Variants in SAMD5 observed in about 807,000 individuals in gnomAD.
The protein encoded by SAMD5 is sterile alpha motif domain-containing protein 5.
In SAMD5, 13 loss-of-function variants were observed where a neutral mutation model predicts 11.3. That is an observed-to-expected ratio of 1.15 (90% CI 0.75 to 1.83). The LOEUF (loss-of-function observed/expected upper bound fraction) is 1.83, where lower values mean the gene tolerates loss of function less well. Ranked by LOEUF, SAMD5 falls within the 40% of genes most tolerant of loss-of-function variation. SAMD5 has a pLI of 0.00. For missense variants in SAMD5, 255 were observed against 239.1 expected (o/e 1.07, Z -0.44); for synonymous variants, 129 against 111.3 (o/e 1.16, Z -1.00).
At chr6:147,915,704 T>G in the SAMD5 span, among the ~76,000 whole-genome samples, 1 of 152,188 alleles carries the variant, frequency 6.6e-6, no homozygotes, top group African/African-American at 2.4e-5. Flanking sequence ...TTCTCTTTTT[T>G]CAAAGTAGTC....
At chr6:147,577,217 A>G (rs2128445896) in intron 1 of SAMD5, among the ~76,000 whole-genome samples, 1 of 152,330 alleles carries the variant, frequency 6.6e-6, no homozygotes, top group Admixed American at 6.5e-5. Context: ...TTGTGAATCA[A>G]TAACCGTCTT....
chr6:147,658,700 A>T (rs1022043761), intron 1 of SAMD5, among the ~76,000 whole-genome samples: 3 of 151,976 alleles, frequency 2.0e-5, no homozygotes, highest in Admixed American at 6.6e-5. Context: ...TGGGTGGAAG[A>T]CAGCATTCTT....
At chr6:147,776,369 A>C in the SAMD5 span, among the ~76,000 whole-genome samples, 4 of 152,196 alleles carry the variant, frequency 2.6e-5, no homozygotes, top group Admixed American at 1.3e-4. Flanking sequence ...TCTTCTTGTT[A>C]ACAACTTCTA....
At chr6:147,628,846 T>C (rs1421313546) in intron 1 of SAMD5, among the ~76,000 whole-genome samples, 6 of 152,170 alleles carry the variant, frequency 3.9e-5, no homozygotes, top group African/African-American at 1.2e-4. Context: ...GGGTTCATAA[T>C]TGATTGAATA....
intron 1 of SAMD5, among the ~76,000 whole-genome samples, chr6:147,527,493 C>T (rs1006856658): frequency 1.3e-5 from 2 of 152,186 alleles, no homozygotes; most frequent in Non-Finnish European, 2.9e-5. Context: ...AGTCACCTCC[C>T]ACCAGGCCCC....
intron 1 of SAMD5, among the ~76,000 whole-genome samples, chr6:147,655,887 GAAT>G (rs1424584880): frequency 6.6e-6 from 1 of 152,140 alleles, no homozygotes; most frequent in African/African-American, 2.4e-5. Flanking sequence ...ATAAAAGAAA[GAAT>G]AACACTTTCT....
chr6:147,557,394 T>A (rs968301206), intron 1 of SAMD5, among the ~76,000 whole-genome samples: 1 of 152,206 alleles, frequency 6.6e-6, no homozygotes, highest in African/African-American at 2.4e-5. Context: ...TTTCTCACAG[T>A]TCACAGCCAG....
intron 1 of SAMD5, among the ~76,000 whole-genome samples, chr6:147,625,284 A>G (rs544447020): frequency 6.6e-6 from 1 of 152,280 alleles, no homozygotes; most frequent in South Asian, 2.1e-4. Context: ...GTCATGGTAA[A>G]TGCTGCCACT....
chr6:147,515,378 G>C (rs375988889), intron 1 of SAMD5, among the ~76,000 whole-genome samples: 1 of 151,174 alleles, frequency 6.6e-6, no homozygotes, highest in African/African-American at 2.4e-5. Flanking sequence ...TCCATCCATC[G>C]ATTTATTAAT....
At chr6:147,868,246 T>G in the SAMD5 span, among the ~76,000 whole-genome samples, 1 of 152,200 alleles carries the variant, frequency 6.6e-6, no homozygotes, top group Non-Finnish European at 1.5e-5. Context: ...TTATATAAAT[T>G]TAGTTTGAGG....
chr6:147,810,397 G>A, the SAMD5 span, among the ~76,000 whole-genome samples: 1 of 152,140 alleles, frequency 6.6e-6, no homozygotes, highest in Non-Finnish European at 1.5e-5. Flanking sequence ...TGGCCCTCAG[G>A]AGCCTGTGAC....
chr6:147,542,053 AATGGGGCTACAGAAAGACACCCACC>A (rs1288938811), intron 1 of SAMD5, among the ~76,000 whole-genome samples: 1 of 152,146 alleles, frequency 6.6e-6, no homozygotes, highest in Non-Finnish European at 1.5e-5. Context: ...GACACCCCGC[AATGGGGCTACAGAAAGACACCCACC>A]ATGGGGCTAC....
chr6:147,744,772 C>T, the SAMD5 span, among the ~76,000 whole-genome samples: 1 of 152,056 alleles, frequency 6.6e-6, no homozygotes, highest in Admixed American at 6.6e-5. Flanking sequence ...GTGGCACGTG[C>T]CTGTAATCCC....
chr6:147,716,337 G>T (rs1335115885), intron 1 of SAMD5, among the ~76,000 whole-genome samples: 1 of 152,242 alleles, frequency 6.6e-6, no homozygotes, highest in African/African-American at 2.4e-5. Flanking sequence ...AGATCAGAGT[G>T]GGTGCTAGGA....
chr6:147,932,035 T>G, the SAMD5 span, among the ~76,000 whole-genome samples: 3 of 152,176 alleles, frequency 2.0e-5, no homozygotes, highest in African/African-American at 4.8e-5. Context: ...TAGAGAAATG[T>G]CGTGATGTAA....
At chr6:147,749,021 G>C in the SAMD5 span, among the ~76,000 whole-genome samples, 1 of 152,046 alleles carries the variant, frequency 6.6e-6, no homozygotes, top group African/African-American at 2.4e-5. Flanking sequence ...GTTGCATTTT[G>C]GTTAATGACA....
At chr6:147,884,992 T>C in the SAMD5 span, among the ~76,000 whole-genome samples, 1 of 152,238 alleles carries the variant, frequency 6.6e-6, no homozygotes, top group South Asian at 2.1e-4. Context: ...AGAACCAGGA[T>C]AGCATCCTTA....
At chr6:147,798,430 A>C in the SAMD5 span, among the ~76,000 whole-genome samples, 2 of 148,648 alleles carry the variant, frequency 1.3e-5, no homozygotes, top group African/African-American at 5.1e-5. Context: ...GTGGTCTGAG[A>C]GATAGTTTGT....
At chr6:147,896,210 A>T in the SAMD5 span, among the ~76,000 whole-genome samples, 1 of 152,134 alleles carries the variant, frequency 6.6e-6, no homozygotes, top group Non-Finnish European at 1.5e-5. Flanking sequence ...TTTGATCTGT[A>T]ACACATCTGT....
Sources: gnomAD v4.1 joint callset for allele counts (sites outside exome capture counted in the v4.1 genomes callset) on GRCh38, gnomAD v4.1.1 for gene constraint, MANE v1.5 for transcripts, NCBI Gene and HGNC (gene_info 2026-07-23, HGNC 2026-07-21) for gene names.